Variants in TRMT11 observed in about 807,000 individuals in gnomAD.
The protein encoded by TRMT11 is tRNA (guanine(10)-N(2))-methyltransferase TRMT11.
A neutral mutation model predicts 62.8 loss-of-function variants in TRMT11; 53 were observed. That is an observed-to-expected ratio of 0.84 (90% CI 0.68 to 1.06). The LOEUF is 1.06. Ranked by LOEUF, TRMT11 falls within the 50% of genes least tolerant of loss-of-function variation. The pLI, the probability that TRMT11 is intolerant of heterozygous loss-of-function variation, is 0.00. For missense variants in TRMT11, 556 were observed against 553.4 expected, an observed-to-expected ratio of 1.00 and a Z score of -0.05; for synonymous variants, 188 against 190.3, an observed-to-expected ratio of 0.99 and a Z score of 0.10.
At chr6:126,068,000 T>G (rs1244120219) in intron 17 of TRMT11, among the ~76,000 whole-genome samples, 3 of 152,190 alleles carry the variant, frequency 2.0e-5, no homozygotes, top group Admixed American at 1.3e-4. Flanking sequence ...TTTTATCATA[T>G]CCACAGAATT....
At chr6:125,994,337 T>C (rs186210322) in intron 2 of TRMT11, among the ~76,000 whole-genome samples, 6 of 152,254 alleles carry the variant, frequency 3.9e-5, no homozygotes, top group Admixed American at 3.9e-4. Flanking sequence ...TGTACTTTTT[T>C]TTCCCTATTG....
intron 21 of TRMT11, among the ~76,000 whole-genome samples, chr6:126,151,806 T>TTTTCTTTC (rs754465295): frequency 0.15 from 12,967 of 86,600 alleles, 1,304 homozygotes; most frequent in East Asian, 0.24. Flanking sequence ...CCTCTCTGTC[T>TTTTCTTTC]TTTCTTTCTT....
intron 17 of TRMT11, among the ~76,000 whole-genome samples, chr6:126,060,468 G>C (rs1159785418): frequency 6.6e-6 from 1 of 152,160 alleles, no homozygotes; most frequent in Non-Finnish European, 1.5e-5. Flanking sequence ...CTCTCCTTCA[G>C]GCAACTCAGA....
At position 126,038,976 on chromosome 6, in the gene TRMT11, A is replaced by G. The variant is rs572921802; in HGVS notation, c.*140A>G. 4 of 683,926 alleles carry G rather than the reference A, an allele frequency of 5.8e-6. No homozygotes were observed. The highest frequency in any genetic ancestry group is 4.9e-5 in the South Asian group (2 of 41,152). The allele number at this position is 683,926 out of a possible 1,614,324, so 42.4% of individuals were successfully genotyped here. A position where few individuals can be genotyped will look rare whatever the true frequency, so the allele number is the denominator to read the frequency against. The stretch of plus-strand genomic sequence containing the variant: ...GAAAAGCTACAAAGTAAATTGAGCA[A>G]TGCTTTTAAAGTTATCTTTGTTTTA... On this transcript the variant is annotated 3_prime_UTR_variant, in exon 13 of 13. Transcript: ENST00000334379.
intron 11 of TRMT11, among the ~76,000 whole-genome samples, chr6:126,014,352 G>A (rs2128834314): frequency 6.6e-6 from 1 of 152,234 alleles, no homozygotes; most frequent in East Asian, 1.9e-4. Context: ...CTGGGTTCAA[G>A]CGATACTCCC....
At chr6:126,049,266 GATTA>G (rs1776145590) in intron 16 of TRMT11, among the ~76,000 whole-genome samples, 2 of 152,044 alleles carry the variant, frequency 1.3e-5, no homozygotes, top group Admixed American at 6.5e-5. Flanking sequence ...GACAATTGGT[GATTA>G]ATAGTTTGAG....
chr6:126,246,966 C>T, the TRMT11 span, among the ~76,000 whole-genome samples: 1 of 152,178 alleles, frequency 6.6e-6, no homozygotes, highest in Non-Finnish European at 1.5e-5. Context: ...TCACAGAGGG[C>T]TGCGGTGAAG....
chr6:126,159,898 A>G (rs909899879), intron 21 of TRMT11, among the ~76,000 whole-genome samples: 2 of 152,128 alleles, frequency 1.3e-5, no homozygotes, highest in African/African-American at 4.8e-5. Flanking sequence ...AACATTGTAC[A>G]TAGTTTTATT....
chr6:126,071,246 A>G (rs1225030133), intron 17 of TRMT11, among the ~76,000 whole-genome samples: 1 of 152,070 alleles, frequency 6.6e-6, no homozygotes, highest in Admixed American at 6.6e-5. Context: ...CTTCTTTTGG[A>G]TGCTGATAAA....
chr6:126,198,719 A>G (rs1778700029), intron 1 of TRMT11: 1 of 152,226 alleles, frequency 6.6e-6, no homozygotes, highest in African/African-American at 2.4e-5. Flanking sequence ...GTCTTGCACT[A>G]TGGGTAGTGA....
chr6:126,195,689 C>A (rs1042982011), intron 1 of TRMT11, among the ~76,000 whole-genome samples: 1 of 152,200 alleles, frequency 6.6e-6, no homozygotes, highest in Non-Finnish European at 1.5e-5. Flanking sequence ...AGGCTGACCC[C>A]TTCATCAGCC....
At chr6:126,109,720 G>A (rs1583877545) in intron 17 of TRMT11, among the ~76,000 whole-genome samples, 1 of 152,202 alleles carries the variant, frequency 6.6e-6, no homozygotes, top group African/African-American at 2.4e-5. Flanking sequence ...ATGGAAAGTG[G>A]TGCCTGGCAC....
intron 21 of TRMT11, among the ~76,000 whole-genome samples, chr6:126,123,710 G>A (rs570814949): frequency 6.6e-6 from 1 of 152,132 alleles, no homozygotes; most frequent in Non-Finnish European, 1.5e-5. Context: ...AAAAAATAAA[G>A]GAAGTATATA....
intron 17 of TRMT11, among the ~76,000 whole-genome samples, chr6:126,093,585 GTATATATATATATATATATATATATATA>G (rs56176946): frequency 0.021 from 988 of 46,696 alleles, 70 homozygotes; most frequent in Non-Finnish European, 0.029. Flanking sequence ...GGATATGTAT[GTATATATATATATATATATATATATATA>G]TATATATATA....
intron 1 of TRMT11, among the ~76,000 whole-genome samples, chr6:126,193,649 C>T (rs58757590): frequency 0.13 from 19,090 of 151,490 alleles, 1,989 homozygotes; most frequent in East Asian, 0.51. Flanking sequence ...CCCGCCACCA[C>T]GCCTGGCTAA....
intron 8 of TRMT11, among the ~76,000 whole-genome samples, chr6:126,010,447 G>A (rs1794010499): frequency 6.6e-6 from 1 of 151,816 alleles, no homozygotes; most frequent in Non-Finnish European, 1.5e-5. Context: ...TTCTTCTTTT[G>A]ATTTTATAAG....
At chr6:126,220,288 C>T in the TRMT11 span, among the ~76,000 whole-genome samples, 1 of 152,204 alleles carries the variant, frequency 6.6e-6, no homozygotes, top group African/African-American at 2.4e-5. Flanking sequence ...TGGTCTACTG[C>T]ATTTATTATT....
At chr6:126,257,895 C>T in the TRMT11 span, 1 of 1,440,224 alleles carries the variant, frequency 6.9e-7, no homozygotes, top group Non-Finnish European at 9.7e-7. Flanking sequence ...TTGTCCTGAG[C>T]CACCATTCAC....
At chr6:126,125,307 G>T (rs1449261059) in intron 21 of TRMT11, among the ~76,000 whole-genome samples, 1 of 151,930 alleles carries the variant, frequency 6.6e-6, no homozygotes, top group Admixed American at 6.6e-5. Flanking sequence ...GTAAACATGT[G>T]CTTTTACATT....
Sources: allele counts gnomAD v4.1 joint callset (sites outside exome capture counted in the v4.1 genomes callset), GRCh38; gene constraint gnomAD v4.1.1; transcripts MANE v1.5; gene names NCBI Gene and HGNC (gene_info 2026-07-23, HGNC 2026-07-21).